KCNN1: variants seen among roughly 807,000 people sequenced by gnomAD.
KCNN1 encodes small conductance calcium-activated potassium channel protein 1.
Under a neutral mutation model 44.7 loss-of-function variants are expected in KCNN1, and 20 were observed. That is an observed-to-expected ratio of 0.45 (90% confidence interval 0.32 to 0.65). KCNN1 has a LOEUF of 0.65. Ranked by LOEUF, KCNN1 falls within the 30% of genes least tolerant of loss-of-function variation. KCNN1 has a pLI of 0.05. For synonymous variants in KCNN1, 324 were observed against 341.7 expected, an observed-to-expected ratio of 0.95 and a Z score of 0.57; for missense variants, 632 against 785.3, an observed-to-expected ratio of 0.80 and a Z score of 2.33.
At chr19:17,992,259 G>A (rs1028143403) in intron 7 of KCNN1, among the ~76,000 whole-genome samples, 6 of 152,162 alleles carry the variant, frequency 3.9e-5, no homozygotes, top group South Asian at 4.1e-4. Flanking sequence ...GGAAGCTGAA[G>A]TTGCAATGAG....
intron 1 of KCNN1, among the ~76,000 whole-genome samples, chr19:17,953,107 C>G (rs2031456978): frequency 1.3e-5 from 2 of 152,148 alleles, no homozygotes; most frequent in Admixed American, 6.5e-5. Context: ...CAGGACTGAG[C>G]CAAGAAGCCC....
intron 9 of KCNN1, among the ~76,000 whole-genome samples, chr19:17,997,010 T>C (rs1033430285): frequency 6.6e-6 from 1 of 152,044 alleles, no homozygotes; most frequent in African/African-American, 2.4e-5. Context: ...TGGAGTGATG[T>C]TCTAGTGCCA....
intron 6 of KCNN1, 57 bp from the exon 7 acceptor site, chr19:17,989,659 T>C: frequency 1.2e-6 from 2 of 1,611,180 alleles, no homozygotes; most frequent in South Asian, 1.1e-5. Flanking sequence ...TAGACATTTC[T>C]GGAGCCTTTT....
chr19:17,957,832 G>A (rs2145900462), intron 2 of KCNN1, among the ~76,000 whole-genome samples: 1 of 152,278 alleles, frequency 6.6e-6, no homozygotes, highest in African/African-American at 2.4e-5. Flanking sequence ...GCTGTGGAGA[G>A]CAGGGCAGGA....
intron 3 of KCNN1, among the ~76,000 whole-genome samples, chr19:17,977,844 T>G (rs934676767): frequency 9.9e-5 from 15 of 151,936 alleles, no homozygotes; most frequent in Admixed American, 6.6e-5. Flanking sequence ...TGGATGAACC[T>G]CAGAAATACG....
intron 1 of KCNN1, among the ~76,000 whole-genome samples, chr19:17,971,557 G>A (rs1385655327): frequency 6.6e-6 from 1 of 151,950 alleles, no homozygotes; most frequent in Non-Finnish European, 1.5e-5. Context: ...CCGCCTCCCG[G>A]GTTCAAGCGA....
In KCNN1 at chr19:17,982,206, C is replaced by T. The variant is rs1374639904; in HGVS notation, c.917+79C>T. ...CCTCCATGCCCATTCATGATTTCAC[C>T]GACCCTGGGCCCCTCCCGACCCTGG... On this transcript the variant is annotated intron_variant, in intron 4 of 9. Coordinates refer to ENST00000684775, the MANE Select transcript of KCNN1 (RefSeq NM_001386974.1). The T allele has an allele frequency of 8.3e-6, 10 of 1,209,564 alleles. No homozygotes were observed. The East Asian group carries it at 1.3e-4, about 16-fold the overall frequency. The allele number at this position is 1,209,564 out of a possible 1,614,324, so 74.9% of individuals were successfully genotyped here. A position where few individuals can be genotyped will look rare whatever the true frequency, so the allele number is the denominator to read the frequency against.
chr19:17,989,565 T>A, intron 6 of KCNN1, 151 bp from the exon 7 acceptor site: 1 of 1,078,458 alleles, frequency 9.3e-7, no homozygotes, highest in Non-Finnish European at 1.4e-6. Flanking sequence ...TGCACAGATG[T>A]TGTTGTACAA....
chr19:17,965,528 G>A (rs369237718), upstream of KCNN1, among the ~76,000 whole-genome samples: 2 of 152,134 alleles, frequency 1.3e-5, no homozygotes, highest in Admixed American at 1.3e-4. Context: ...AAGTGCAAAG[G>A]CCTGGAGGTG....
chr19:17,992,239 C>T (rs916678082), intron 7 of KCNN1, among the ~76,000 whole-genome samples: 8 of 151,954 alleles, frequency 5.3e-5, no homozygotes, highest in Non-Finnish European at 1.0e-4. Flanking sequence ...AGGAGAATCA[C>T]GTGAACCTGG....
chr19:17,951,514 C>G (rs538064027), intron 1 of KCNN1: 1 of 152,238 alleles, frequency 6.6e-6, no homozygotes, highest in East Asian at 1.9e-4. Flanking sequence ...CCTCCCATCC[C>G]CTACCGAGCC....
At chr19:17,966,062 TTCC>T (rs1179138368), upstream of KCNN1, among the ~76,000 whole-genome samples, 2 of 150,042 alleles carry the variant, frequency 1.3e-5, no homozygotes, top group African/African-American at 4.9e-5. Flanking sequence ...CCTTCCTTCC[TTCC>T]TTCCTTCCTT....
intron 1 of KCNN1, among the ~76,000 whole-genome samples, chr19:17,967,839 C>A (rs565460072): frequency 3.4e-4 from 52 of 151,954 alleles, no homozygotes; most frequent in Non-Finnish European, 3.2e-4. Context: ...GGGGTCTGAG[C>A]GGTGAGGCTG....
chr19:17,971,414 C>G (rs574708783), intron 1 of KCNN1, among the ~76,000 whole-genome samples: 1 of 152,094 alleles, frequency 6.6e-6, no homozygotes, highest in East Asian at 1.9e-4. Context: ...GAGCCGGGTC[C>G]GGAATCTTCC....
chr19:17,985,668 A>G (rs1227389360), intron 5 of KCNN1, among the ~76,000 whole-genome samples: 1 of 152,126 alleles, frequency 6.6e-6, no homozygotes, highest in African/African-American at 2.4e-5. Context: ...GGACATCTCC[A>G]TGCGGTCCTT....
At chr19:17,959,145 C>G (rs2031618135) in intron 2 of KCNN1, among the ~76,000 whole-genome samples, 1 of 151,744 alleles carries the variant, frequency 6.6e-6, no homozygotes, top group Non-Finnish European at 1.5e-5. Flanking sequence ...CTGCGTCAGC[C>G]TCCCGAGTAG....
intron 5 of KCNN1, among the ~76,000 whole-genome samples, chr19:17,986,378 A>G (rs2032597038): frequency 6.6e-6 from 1 of 150,980 alleles, no homozygotes; most frequent in African/African-American, 2.4e-5. Flanking sequence ...AAAAAAAAAG[A>G]AAAAAGAAAC....
intron 5 of KCNN1, among the ~76,000 whole-genome samples, chr19:17,985,844 T>C (rs2032576355): frequency 1.3e-5 from 2 of 152,246 alleles, no homozygotes. Flanking sequence ...TTTCCTCAGC[T>C]GTGACCAGCG....
In KCNN1 at chr19:17,998,298, C is replaced by A. The variant is rs1218805836; in HGVS notation, c.1524C>A (p.Arg508=). 4 of 1,544,510 alleles carry A rather than the reference C, an allele frequency of 2.6e-6. No individual in the cohort carries two copies. The highest frequency in any genetic ancestry group is 3.5e-6 in the Non-Finnish European group (4 of 1,150,076). The change falls in exon 10 of 10, where the codon CGC becomes CGA. Residue 508 remains arginine (R), a synonymous_variant. Coordinates refer to ENST00000684775, the MANE Select transcript of KCNN1 (RefSeq NM_001386974.1). The surrounding 1 kb of genome is among the most constrained non-coding windows in gnomAD (Gnocchi z 5.4). ...CTGGCCTCATCGCCCAAGCCATACG[C>A]CCACCCCCGCCTCCCCTGCCTCCCA... ...ALPGLIAQAI[R]PPPPPLPPRP...
Sources: gnomAD v4.1 joint callset for allele counts (sites outside exome capture counted in the v4.1 genomes callset) on GRCh38, gnomAD v4.1.1 for gene constraint, Gnocchi (gnomAD v3.1) non-coding constraint, MANE v1.5 for transcripts, NCBI Gene and HGNC (gene_info 2026-07-23, HGNC 2026-07-21) for gene names.